The following SND1 variants were observed in gnomAD, a reference collection of about 807,000 sequenced individuals.
The protein encoded by SND1 is staphylococcal nuclease domain-containing protein 1.
SND1 carries 38 observed loss-of-function variants against 121.7 expected under a neutral mutation model. That is an observed-to-expected ratio of 0.31 (90% CI 0.24 to 0.41). The LOEUF (loss-of-function observed/expected upper bound fraction) is 0.41. Among genes scored for constraint, SND1 ranks in the 10% least tolerant of loss-of-function variants. The pLI is 1.00. For synonymous variants in SND1, 401 were observed against 447.4 expected, an observed-to-expected ratio of 0.90 and a Z score of 1.31; for missense variants, 868 against 1,184.6, an observed-to-expected ratio of 0.73 and a Z score of 3.92.
At chr7:127,989,301 G>C (rs79050800) in intron 15 of SND1, among the ~76,000 whole-genome samples, 46 of 152,340 alleles carry the variant, frequency 3.0e-4, no homozygotes, top group African/African-American at 1.1e-3. Flanking sequence ...TCCTGTGGCA[G>C]TCTTTCTCCT....
At chr7:128,026,534 C>G (rs1472221376) in intron 16 of SND1, among the ~76,000 whole-genome samples, 2 of 152,214 alleles carry the variant, frequency 1.3e-5, no homozygotes, top group African/African-American at 2.4e-5. Context: ...CGCAGCCTCT[C>G]TGGACATTAT....
chr7:127,807,777 A>G (rs1478111213), intron 11 of SND1, among the ~76,000 whole-genome samples: 1 of 152,212 alleles, frequency 6.6e-6, no homozygotes, highest in African/African-American at 2.4e-5. Context: ...GGCCCTGACC[A>G]CAGTTTGATT....
chr7:127,768,151 C>T (rs1797453075), intron 10 of SND1, among the ~76,000 whole-genome samples: 1 of 152,178 alleles, frequency 6.6e-6, no homozygotes, highest in African/African-American at 2.4e-5. Flanking sequence ...TCTCTCACCA[C>T]CTCATTAGCG....
At chr7:127,663,544 G>T (rs1252439229) in intron 1 of SND1, among the ~76,000 whole-genome samples, 4 of 151,898 alleles carry the variant, frequency 2.6e-5, no homozygotes, top group African/African-American at 9.7e-5. Flanking sequence ...GCTAATGTTT[G>T]TTTTTTGTAT....
chr7:127,833,558 C>A (rs1472091711), intron 11 of SND1, among the ~76,000 whole-genome samples: 1 of 152,128 alleles, frequency 6.6e-6, no homozygotes, highest in East Asian at 1.9e-4. Flanking sequence ...AGCCACCACA[C>A]CCAGCCTGAA....
intron 16 of SND1, among the ~76,000 whole-genome samples, chr7:128,046,342 G>T (rs60984278): frequency 0.11 from 15,332 of 136,400 alleles, 1,593 homozygotes; most frequent in African/African-American, 0.28. Flanking sequence ...GTTTTTTTGG[G>T]TTTTTTTTTT....
rs1792685266 is a variant in SND1 at position 128,033,277 on chromosome 7, CT to C, written c.1780-41224del. ...ACTAGGTCAGCTTTTTCCCACCCCC[CT>C]GAAAAAAGACTGCCCCTTTCTCTGC... On this transcript the variant is annotated intron_variant, in intron 16 of 23. Coordinates refer to ENST00000354725, the MANE Select transcript of SND1 (RefSeq NM_014390.4). 3.3e-5 allele frequency among the ~76,000 whole-genome samples: 5 copies of C among 152,256 alleles called. No homozygotes were observed. In the South Asian group the frequency reaches 1.0e-3, roughly 32 times the overall value.
chr7:127,822,463 A>G (rs141305172), intron 11 of SND1, among the ~76,000 whole-genome samples: 2 of 152,218 alleles, frequency 1.3e-5, no homozygotes, highest in African/African-American at 2.4e-5. Flanking sequence ...TGTGAATTCT[A>G]CTAATACTGG....
intron 16 of SND1, among the ~76,000 whole-genome samples, chr7:128,071,026 T>C (rs974834112): frequency 1.3e-5 from 2 of 152,216 alleles, no homozygotes; most frequent in Non-Finnish European, 1.5e-5. Context: ...CACAATCTAT[T>C]TAGCATCATG....
At chr7:127,949,886 C>A (rs1352894431) in intron 15 of SND1, among the ~76,000 whole-genome samples, 1 of 152,164 alleles carries the variant, frequency 6.6e-6, no homozygotes, top group East Asian at 1.9e-4. Flanking sequence ...GTGAGCCAGG[C>A]TTTATGCTGA....
chr7:128,011,965 T>C (rs1803126182), intron 16 of SND1, among the ~76,000 whole-genome samples: 4 of 152,144 alleles, frequency 2.6e-5, no homozygotes. Flanking sequence ...TTTCAGTATT[T>C]TGAATTTTTC....
chr7:127,667,540 C>G (rs1276999893), intron 1 of SND1, among the ~76,000 whole-genome samples: 2 of 152,170 alleles, frequency 1.3e-5, no homozygotes, highest in African/African-American at 4.8e-5. Context: ...GCTGCTGTCC[C>G]CCATCCCTGG....
chr7:128,058,120 C>A (rs920190825), intron 16 of SND1, among the ~76,000 whole-genome samples: 2 of 152,260 alleles, frequency 1.3e-5, no homozygotes, highest in Non-Finnish European at 2.9e-5. Context: ...ATCACAGAGA[C>A]CTGACCCCTT....
At chr7:127,804,280 A>G (rs1303379079) in intron 10 of SND1, among the ~76,000 whole-genome samples, 1 of 152,184 alleles carries the variant, frequency 6.6e-6, no homozygotes, top group Non-Finnish European at 1.5e-5. Context: ...TAGAGTAACA[A>G]GATCATTCTG....
intron 10 of SND1, among the ~76,000 whole-genome samples, chr7:127,788,217 A>G (rs1192137027): frequency 6.6e-6 from 1 of 152,174 alleles, no homozygotes; most frequent in African/African-American, 2.4e-5. Context: ...GTCCAGAGAG[A>G]TTAAGTAATT....
chr7:127,851,584 A>G (rs1404356789), intron 12 of SND1, among the ~76,000 whole-genome samples: 1 of 152,020 alleles, frequency 6.6e-6, no homozygotes, highest in African/African-American at 2.4e-5. Flanking sequence ...TTAGCCACTC[A>G]CTCATTAGTT....
At chr7:127,817,500 G>A (rs1798465761) in intron 11 of SND1, among the ~76,000 whole-genome samples, 1 of 152,216 alleles carries the variant, frequency 6.6e-6, no homozygotes, top group Admixed American at 6.5e-5. Context: ...CAACTCTGCT[G>A]ATACCCATTT....
chr7:127,787,999 C>A (rs1338722642), intron 10 of SND1, among the ~76,000 whole-genome samples: 9 of 152,158 alleles, frequency 5.9e-5, no homozygotes, highest in Non-Finnish European at 2.9e-5. Flanking sequence ...TATATTCTCA[C>A]TAGTAGGCGA....
rs751367087 is a variant in SND1 at position 128,029,282 on chromosome 7, G to C, written c.1779+38226G>C. 7.4e-6 allele frequency: 12 copies of C among 1,614,214 alleles called. No individual in the cohort carries two copies. The highest frequency in any genetic ancestry group is 1.0e-5 in the Non-Finnish European group (12 of 1,180,050). On this transcript the variant is annotated intron_variant, in intron 16 of 23. Coordinates refer to ENST00000354725, the MANE Select transcript of SND1 (RefSeq NM_014390.4). This position sits in a 1 kb window ranked among gnomAD's most constrained non-coding sequence, Gnocchi z 4.2. ...TGGTCTCCACTGTTACTGTGGTGAA[G>C]AAGCTGTAGTTGGAGGTGTTAAGCT... is the stretch of plus-strand genomic sequence containing the variant.
Sources: gnomAD v4.1 joint callset for allele counts (sites outside exome capture counted in the v4.1 genomes callset) on GRCh38, gnomAD v4.1.1 for gene constraint, Gnocchi (gnomAD v3.1) non-coding constraint, MANE v1.5 for transcripts, NCBI Gene and HGNC (gene_info 2026-07-23, HGNC 2026-07-21) for gene names.